The following RIMS2 variants were observed in gnomAD, a reference collection of about 807,000 sequenced individuals.
RIMS2 encodes the protein regulating synaptic membrane exocytosis 2.
In RIMS2, 59 loss-of-function variants were observed where a neutral mutation model predicts 174.4. The ratio of observed to expected loss-of-function variants is 0.34; its 90% CI spans 0.27 to 0.42. The LOEUF (loss-of-function observed/expected upper bound fraction) is 0.42. Ranked by LOEUF, RIMS2 falls within the 10% of genes least tolerant of loss-of-function variation. The probability of loss-of-function intolerance (pLI) is 1.00; values close to 1 mark genes in which losing one functional copy is unlikely to be tolerated. For missense variants in RIMS2, 1,620 were observed against 1,666.3 expected, an observed-to-expected ratio of 0.97 and a Z score of 0.48; for synonymous variants, 606 against 572.5, an observed-to-expected ratio of 1.06 and a Z score of -0.84.
intron 19 of RIMS2, among the ~76,000 whole-genome samples, chr8:104,111,940 T>G (rs971476903): frequency 6.6e-6 from 1 of 152,224 alleles, no homozygotes; most frequent in Non-Finnish European, 1.5e-5. Context: ...TCTATCCTAT[T>G]CTTGCCATAA....
chr8:104,182,810 T>C (rs1167343321), intron 19 of RIMS2, among the ~76,000 whole-genome samples: 3 of 151,790 alleles, frequency 2.0e-5, no homozygotes, highest in Admixed American at 6.6e-5. Context: ...TCAGCCCTGG[T>C]TTTCTCCTCT....
intron 3 of RIMS2, among the ~76,000 whole-genome samples, chr8:103,772,543 G>C (rs2098265467): frequency 6.6e-6 from 1 of 152,078 alleles, no homozygotes; most frequent in Non-Finnish European, 1.5e-5. Flanking sequence ...AAGATAAACT[G>C]TGTACAGGGA....
intron 1 of RIMS2, among the ~76,000 whole-genome samples, 155 bp from the exon 4 acceptor site, chr8:103,696,931 A>G (rs569819224): frequency 2.0e-5 from 3 of 151,778 alleles, no homozygotes; most frequent in East Asian, 3.9e-4. Flanking sequence ...TGTGCCATGA[A>G]AAGTGTTAAT....
At chr8:103,586,522 A>G (rs2093929406) in intron 1 of RIMS2, among the ~76,000 whole-genome samples, 1 of 152,172 alleles carries the variant, frequency 6.6e-6, no homozygotes, top group Non-Finnish European at 1.5e-5. Flanking sequence ...GAAATTAAGA[A>G]GGAAACTGAA....
rs74875983 is a variant in RIMS2 at position 103,930,657 on chromosome 8, A to G, written c.2245-606A>G. 3.4e-3 allele frequency among the ~76,000 whole-genome samples: 510 copies of G among 152,210 alleles called. 2 individuals are homozygous for G. The highest frequency in any genetic ancestry group is 0.012 in the African/African-American group (484 of 41,536). On this transcript the variant is annotated intron_variant, in intron 11 of 23. Coordinates refer to ENST00000504942, the Ensembl canonical transcript of RIMS2. ...TTTATCCTAAGGATATTATTCATCAACTTCACAAAAGAATGAGACTTAATG... is the reference window on the plus strand; with the variant it reads ...TTTATCCTAAGGATATTATTCATCAGCTTCACAAAAGAATGAGACTTAATG...
intron 19 of RIMS2, among the ~76,000 whole-genome samples, chr8:104,182,716 G>A (rs1263182990): frequency 6.6e-6 from 1 of 151,710 alleles, no homozygotes; most frequent in Non-Finnish European, 1.5e-5. Context: ...CATTTCAAGT[G>A]CTCAGTTGCC....
chr8:104,244,830 C>G, intron 19 of RIMS2, 86 bp from the exon 26 acceptor site: 1 of 1,030,472 alleles, frequency 9.7e-7, no homozygotes, highest in Middle Eastern at 2.1e-4. Context: ...CAGTTCTTTG[C>G]ATCTGATGAT....
chr8:103,979,214 T>C (rs1334278997), intron 16 of RIMS2, among the ~76,000 whole-genome samples: 1 of 152,120 alleles, frequency 6.6e-6, no homozygotes, highest in Admixed American at 6.6e-5. Flanking sequence ...ATTTAGGAAA[T>C]TTTTACCTTA....
chr8:103,594,772 G>T (rs559993001), intron 1 of RIMS2, among the ~76,000 whole-genome samples: 3 of 151,848 alleles, frequency 2.0e-5, no homozygotes, highest in South Asian at 2.1e-4. Flanking sequence ...AGACAAAGTA[G>T]GTTGGTGATT....
intron 2 of RIMS2, among the ~76,000 whole-genome samples, chr8:103,751,191 G>A (rs181369270): frequency 4.6e-5 from 7 of 152,290 alleles, no homozygotes; most frequent in African/African-American, 7.2e-5. Flanking sequence ...GTGAGAACAT[G>A]CGGTGTTTGG....
At chr8:103,852,255 A>G (rs943478180) in intron 3 of RIMS2, among the ~76,000 whole-genome samples, 3 of 152,040 alleles carry the variant, frequency 2.0e-5, no homozygotes, top group African/African-American at 7.2e-5. Flanking sequence ...TATAGATATA[A>G]TAGTGATGGA....
chr8:104,199,791 C>T (rs1298369401), intron 19 of RIMS2, among the ~76,000 whole-genome samples: 5 of 152,124 alleles, frequency 3.3e-5, no homozygotes, highest in African/African-American at 1.2e-4. Context: ...CTGCTGGGAC[C>T]ATAAGCCTAG....
chr8:104,040,112 T>G (rs1471763229), intron 19 of RIMS2, among the ~76,000 whole-genome samples: 1 of 151,674 alleles, frequency 6.6e-6, no homozygotes, highest in East Asian at 1.9e-4. Flanking sequence ...TTATCACTAT[T>G]CATATAAAGA....
intron 19 of RIMS2, among the ~76,000 whole-genome samples, chr8:104,085,486 A>T (rs1349805401): frequency 6.6e-6 from 1 of 152,160 alleles, no homozygotes; most frequent in Non-Finnish European, 1.5e-5. Context: ...TAGAAAATGA[A>T]GTTGTTTTGT....
At chr8:103,981,927 AAGAT>A (rs1199552206) in intron 16 of RIMS2, among the ~76,000 whole-genome samples, 4 of 152,202 alleles carry the variant, frequency 2.6e-5, no homozygotes, top group Non-Finnish European at 4.4e-5. Flanking sequence ...TATTGGCTTT[AAGAT>A]AGATAGAAAA....
rs766558693 is a variant in RIMS2 at position 104,248,681 on chromosome 8, A to T, written c.3477-20A>T. On this transcript the variant is annotated intron_variant, in intron 20 of 23. Transcript: ENST00000504942. The stretch of plus-strand genomic sequence containing the variant: ...AAATAGGGGTTGGGGATTTAATCTC[A>T]TATGTTATTTTGCTTTCAGTCTGAT... The T allele has an allele frequency of 1.5e-6, 2 of 1,292,696 alleles. No individual in the cohort carries two copies. Among genetic ancestry groups the T allele is most frequent in the South Asian group, 1.2e-5 (1 of 84,542 alleles). 80.1% of individuals were successfully genotyped at this position (1,292,696 alleles called of 1,614,324 possible).
At position 103,553,721 on chromosome 8, in the gene RIMS2, C is replaced by G. The variant is rs1039339255; in HGVS notation, c.176+52659C>G. ...AGACTATTTTGAAATTCATATGGAA[C>G]CAAAAAAGAGCCCAAATAGCCAAGG... On this transcript the variant is annotated intron_variant, in intron 1 of 23. Coordinates refer to ENST00000504942, the Ensembl canonical transcript of RIMS2. Among the ~76,000 whole-genome samples the G allele has an allele frequency of 6.6e-5, 10 of 152,056 alleles. No individual in the cohort carries two copies. In the East Asian group the frequency reaches 1.7e-3, roughly 26 times the overall value.
chr8:103,599,991 C>T (rs1413631338), intron 1 of RIMS2, among the ~76,000 whole-genome samples: 1 of 152,092 alleles, frequency 6.6e-6, no homozygotes, highest in Non-Finnish European at 1.5e-5. Flanking sequence ...CTTACTCATT[C>T]TTTCAAACTA....
At chr8:104,101,013 TAC>T (rs1402219026) in intron 19 of RIMS2, among the ~76,000 whole-genome samples, 37 of 139,638 alleles carry the variant, frequency 2.6e-4, no homozygotes, top group African/African-American at 6.9e-4. Flanking sequence ...TATGATATAT[TAC>T]ATATGTAATA....
Sources: gnomAD v4.1 joint callset for allele counts (sites outside exome capture counted in the v4.1 genomes callset) on GRCh38, gnomAD v4.1.1 for gene constraint, MANE v1.5 for transcripts, NCBI Gene and HGNC (gene_info 2026-07-23, HGNC 2026-07-21) for gene names.